Variants in FYB1 observed in about 807,000 individuals in gnomAD.
FYB1 encodes FYN binding protein 1.
A neutral mutation model predicts 94.1 loss-of-function variants in FYB1; 41 were observed. The ratio of observed to expected loss-of-function variants is 0.44; its 90% CI spans 0.34 to 0.57. FYB1 has a LOEUF of 0.57. Ranked by LOEUF, FYB1 falls within the 20% of genes least tolerant of loss-of-function variation. The pLI, the probability that FYB1 is intolerant of heterozygous loss-of-function variation, is 0.02. For synonymous variants in FYB1, 367 were observed against 353.2 expected (o/e 1.04, Z -0.44); for missense variants, 1,050 against 976.8 (o/e 1.07, Z -1.00).
upstream of FYB1, among the ~76,000 whole-genome samples, chr5:39,223,522 T>G (rs955598793): frequency 6.6e-6 from 1 of 152,220 alleles, no homozygotes; most frequent in Non-Finnish European, 1.5e-5. Flanking sequence ...TTTAAAAAAA[T>G]CATTCAAATG....
chr5:39,213,948 A>T (rs1233464071), intron 1 of FYB1, among the ~76,000 whole-genome samples: 47 of 152,232 alleles, frequency 3.1e-4, no homozygotes, highest in Admixed American at 3.1e-3. Context: ...TCCCATGGCA[A>T]AAATCAGATT....
intron 3 of FYB1, among the ~76,000 whole-genome samples, chr5:39,146,690 C>T (rs767536799): frequency 3.3e-5 from 5 of 152,162 alleles, no homozygotes; most frequent in Non-Finnish European, 7.4e-5. Flanking sequence ...CACATTCATA[C>T]ACGTGTGTCT....
At chr5:39,125,223 G>A (rs569967383) in intron 12 of FYB1, among the ~76,000 whole-genome samples, 1 of 152,086 alleles carries the variant, frequency 6.6e-6, no homozygotes, top group Non-Finnish European at 1.5e-5. Flanking sequence ...AATTGGGAAT[G>A]CTATATGGAA....
At chr5:39,251,056 G>A (rs1258125920) in intron 1 of FYB1, among the ~76,000 whole-genome samples, 1 of 152,140 alleles carries the variant, frequency 6.6e-6, no homozygotes, top group Non-Finnish European at 1.5e-5. Flanking sequence ...AACCTTTGAG[G>A]ATGATTATAT....
intron 2 of FYB1, among the ~76,000 whole-genome samples, chr5:39,197,382 T>C (rs1180027217): frequency 6.6e-6 from 1 of 152,202 alleles, no homozygotes; most frequent in African/African-American, 2.4e-5. Context: ...GGAAGCCCTG[T>C]TATATGAAAA....
At chr5:39,199,273 A>T (rs1748106730) in intron 2 of FYB1, among the ~76,000 whole-genome samples, 1 of 152,124 alleles carries the variant, frequency 6.6e-6, no homozygotes, top group Non-Finnish European at 1.5e-5. Flanking sequence ...TCTAATTCTG[A>T]TATATTTTAA....
intron 2 of FYB1, among the ~76,000 whole-genome samples, chr5:39,168,259 T>C (rs530620217): frequency 6.4e-4 from 98 of 152,360 alleles, no homozygotes; most frequent in African/African-American, 2.2e-3. Flanking sequence ...TGTCATGTAT[T>C]ATAACTCAGT....
chr5:39,133,061 G>A (rs1741347059), intron 9 of FYB1, among the ~76,000 whole-genome samples: 1 of 152,176 alleles, frequency 6.6e-6, no homozygotes, highest in East Asian at 1.9e-4. Flanking sequence ...ATTCATTTTA[G>A]AAAGACAAAA....
chr5:39,160,486 A>G (rs77904375), intron 2 of FYB1, among the ~76,000 whole-genome samples: 5,626 of 152,262 alleles, frequency 0.037, 354 homozygotes, highest in African/African-American at 0.13. Flanking sequence ...AAAACAACCA[A>G]ATACTACTTC....
In FYB1 at chr5:39,141,564, T is replaced by C. The variant is rs141489016; in HGVS notation, c.1293-423A>G. 2.9e-3 allele frequency among the ~76,000 whole-genome samples: 439 copies of C among 152,242 alleles called. 2 individuals are homozygous for C. Among genetic ancestry groups the C allele is most frequent in the African/African-American group, 0.01 (431 of 41,546 alleles). ...CAGCACTTTGGGAAGCTGAGGCAGATGGATCACTTGAAGTCAGGAGTTCCA... is the reference window on the plus strand; with the variant it reads ...CAGCACTTTGGGAAGCTGAGGCAGACGGATCACTTGAAGTCAGGAGTTCCA... On this transcript the variant is annotated intron_variant, in intron 3 of 18. Coordinates refer to ENST00000512982, the MANE Select transcript of FYB1 (RefSeq NM_001465.6).
At chr5:39,145,955 C>T (rs568348831) in intron 3 of FYB1, among the ~76,000 whole-genome samples, 90 of 151,506 alleles carry the variant, frequency 5.9e-4, no homozygotes, top group African/African-American at 2.1e-3. Context: ...CTCTGTTGCC[C>T]AGGCTGGAGT....
chr5:39,189,640 A>G (rs1336671096), intron 2 of FYB1, among the ~76,000 whole-genome samples: 1 of 152,192 alleles, frequency 6.6e-6, no homozygotes, highest in Non-Finnish European at 1.5e-5. Context: ...GATGGGTCAA[A>G]GAAATGAGGA....
At chr5:39,142,968 G>A (rs1364687484) in intron 3 of FYB1, among the ~76,000 whole-genome samples, 2 of 151,888 alleles carry the variant, frequency 1.3e-5, no homozygotes, top group Non-Finnish European at 2.9e-5. Flanking sequence ...TTTTCTTTGT[G>A]GTTTATTTTC....
upstream of FYB1, among the ~76,000 whole-genome samples, chr5:39,223,496 A>G (rs191042376): frequency 1.3e-5 from 2 of 152,334 alleles, no homozygotes; most frequent in African/African-American, 4.8e-5. Context: ...ATTACAGGGA[A>G]ACCTGAGCAA....
chr5:39,154,799 GA>G (rs1158290675), intron 2 of FYB1, among the ~76,000 whole-genome samples: 1 of 152,020 alleles, frequency 6.6e-6, no homozygotes, highest in Non-Finnish European at 1.5e-5. Context: ...TCACTGTGTT[GA>G]CCAGGCTGGT....
intron 2 of FYB1, among the ~76,000 whole-genome samples, chr5:39,161,935 A>T (rs1361103311): frequency 1.3e-5 from 2 of 152,242 alleles, no homozygotes; most frequent in African/African-American, 4.8e-5. Context: ...ATTTCATGTC[A>T]ACAGAATCAT....
At chr5:39,230,312 C>T (rs1750664484) in intron 1 of FYB1, among the ~76,000 whole-genome samples, 1 of 152,152 alleles carries the variant, frequency 6.6e-6, no homozygotes, top group Non-Finnish European at 1.5e-5. Context: ...CTATTGTTGG[C>T]TTTCAAGCTG....
At chr5:39,237,896 G>T (rs942370493) in intron 1 of FYB1, among the ~76,000 whole-genome samples, 2 of 152,036 alleles carry the variant, frequency 1.3e-5, no homozygotes, top group East Asian at 1.9e-4. Context: ...TAATAGATTC[G>T]TATGAACCTG....
intron 2 of FYB1, among the ~76,000 whole-genome samples, chr5:39,181,125 TA>T (rs1746183736): frequency 6.6e-6 from 1 of 152,140 alleles, no homozygotes; most frequent in African/African-American, 2.4e-5. Flanking sequence ...GGGACAGAAA[TA>T]ACTGACACCA....
Sources: gnomAD v4.1 joint callset for allele counts (sites outside exome capture counted in the v4.1 genomes callset) on GRCh38, gnomAD v4.1.1 for gene constraint, MANE v1.5 for transcripts, NCBI Gene and HGNC (gene_info 2026-07-23, HGNC 2026-07-21) for gene names.